Variants in PDLIM1 observed in about 807,000 individuals in gnomAD.
PDLIM1 encodes PDZ and LIM domain 1.
Under a neutral mutation model 35.2 loss-of-function variants are expected in PDLIM1, and 25 were observed. That is an observed-to-expected ratio of 0.71 (90% confidence interval 0.52 to 0.99). The LOEUF is 0.99. PDLIM1 is among the 50% of genes least tolerant of loss of function. The pLI, the probability that PDLIM1 is intolerant of heterozygous loss-of-function variation, is 0.00. For synonymous variants in PDLIM1, 152 were observed against 154.0 expected (o/e 0.99, Z 0.10); for missense variants, 363 against 415.3 (o/e 0.87, Z 1.09).
At chr10:95,242,549 T>C (rs1267811914) in intron 5 of PDLIM1, among the ~76,000 whole-genome samples, 2 of 151,880 alleles carry the variant, frequency 1.3e-5, no homozygotes, top group African/African-American at 2.4e-5. Context: ...TAGCCGGGCA[T>C]TGTGGGACGT....
intron 1 of PDLIM1, among the ~76,000 whole-genome samples, chr10:95,273,669 G>A (rs1449745781): frequency 6.6e-6 from 1 of 152,144 alleles, no homozygotes; most frequent in Non-Finnish European, 1.5e-5. Flanking sequence ...GGAAACGAAA[G>A]CAGCCTCCTG....
intron 1 of PDLIM1, among the ~76,000 whole-genome samples, chr10:95,288,251 A>G (rs187289453): frequency 5.6e-4 from 85 of 152,358 alleles, no homozygotes; most frequent in Admixed American, 1.0e-3. Flanking sequence ...GCAGTTTAGC[A>G]AAAGACTGGA....
chr10:95,247,586 T>A, intron 4 of PDLIM1: 1 of 438,790 alleles, frequency 2.3e-6, no homozygotes, highest in Non-Finnish European at 4.0e-6. Flanking sequence ...GAGGCTCTTC[T>A]TCTAAATAGC....
chr10:95,264,766 T>G (rs1447607511), intron 3 of PDLIM1, among the ~76,000 whole-genome samples: 2 of 152,178 alleles, frequency 1.3e-5, no homozygotes, highest in Non-Finnish European at 2.9e-5. Context: ...CTTTCTGTAA[T>G]TTGAGAAAGT....
At chr10:95,281,616 C>T (rs1186040478) in intron 1 of PDLIM1, among the ~76,000 whole-genome samples, 4 of 152,090 alleles carry the variant, frequency 2.6e-5, no homozygotes, top group African/African-American at 4.8e-5. Context: ...TGGTTAACAC[C>T]CCTGAAAATG....
intron 1 of PDLIM1, among the ~76,000 whole-genome samples, chr10:95,273,896 G>A (rs1013741990): frequency 2.6e-5 from 4 of 152,188 alleles, no homozygotes; most frequent in East Asian, 1.9e-4. Context: ...AAAGGACAAC[G>A]CAGGCTCAGT....
Position 95,238,024 on chromosome 10 carries a change from G to A in PDLIM1, c.891C>T (p.Gly297=). 1 of 1,614,090 alleles carries A rather than the reference G, an allele frequency of 6.2e-7. No homozygotes were observed. The highest frequency in any genetic ancestry group is 1.1e-5 in the South Asian group (1 of 91,066). The change falls in exon 7 of 7, where the codon GGC becomes GGT. Residue 297 remains glycine, a synonymous_variant. Transcript: ENST00000329399. ...TDCGTNLKQK[G]HFFVEDQIYC... ...AGATTTGATCCTCCACAAAGAAATG[G>A]CCCTTCTGTTTCAGGTTGGTGCCAC... is the stretch of plus-strand genomic sequence containing the variant.
intron 5 of PDLIM1, among the ~76,000 whole-genome samples, chr10:95,243,924 G>T (rs1007481739): frequency 6.6e-6 from 1 of 152,024 alleles, no homozygotes; most frequent in African/African-American, 2.4e-5. Flanking sequence ...AGACAAGCAG[G>T]AGGGTGGTTA....
In PDLIM1 at chr10:95,290,973, G is replaced by C; in HGVS notation, c.-58C>G. 2 of 1,050,516 alleles carry C rather than the reference G, an allele frequency of 1.9e-6. No homozygotes were observed. The highest frequency in any genetic ancestry group is 3.3e-5 in the South Asian group (2 of 61,278). 65.1% of individuals were successfully genotyped at this position (1,050,516 alleles called of 1,614,324 possible). ...ACAGACGGGCAGGACGCGCGGAACA[G>C]CTTGCAGGGCACCCCCGGCGGCTGT... On this transcript the variant is annotated 5_prime_UTR_variant, in exon 1 of 7. Coordinates refer to ENST00000329399, the MANE Select transcript of PDLIM1 (RefSeq NM_020992.4). The surrounding 1 kb of genome is among the most constrained non-coding windows in gnomAD (Gnocchi z 4.7).
intron 1 of PDLIM1, among the ~76,000 whole-genome samples, chr10:95,277,202 G>A (rs181779965): frequency 2.8e-4 from 42 of 150,982 alleles, no homozygotes; most frequent in Admixed American, 2.2e-3. Context: ...GTGATAGAGT[G>A]AGACTTGTCT....
intron 5 of PDLIM1, 85 bp from the exon 6 acceptor site, chr10:95,238,770 T>C (rs947631562): frequency 4.8e-6 from 4 of 838,944 alleles, no homozygotes; most frequent in Admixed American, 1.8e-5. Flanking sequence ...CTTATAAATA[T>C]ATGTTCAAGC....
At chr10:95,254,017 T>G (rs2035289762) in intron 4 of PDLIM1, among the ~76,000 whole-genome samples, 2 of 151,874 alleles carry the variant, frequency 1.3e-5, no homozygotes, top group Non-Finnish European at 1.5e-5. Context: ...CAAATAAAAA[T>G]GTTATTCTAA....
At chr10:95,243,765 T>C (rs930269402) in intron 5 of PDLIM1, among the ~76,000 whole-genome samples, 6 of 152,112 alleles carry the variant, frequency 3.9e-5, no homozygotes, top group African/African-American at 7.2e-5. Flanking sequence ...AACGGAATAA[T>C]ACTCTGCCTT....
intron 4 of PDLIM1, among the ~76,000 whole-genome samples, chr10:95,255,016 C>T (rs11488749): frequency 0.36 from 54,959 of 151,896 alleles, 10,168 homozygotes; most frequent in South Asian, 0.41. Context: ...AACAATTATA[C>T]ATTAACAAAT....
chr10:95,261,339 G>C (rs753067355), intron 4 of PDLIM1, among the ~76,000 whole-genome samples: 1 of 152,170 alleles, frequency 6.6e-6, no homozygotes, highest in African/African-American at 2.4e-5. Flanking sequence ...ATTCCACTCT[G>C]GGACAGTAAA....
intron 5 of PDLIM1, among the ~76,000 whole-genome samples, chr10:95,244,191 G>A (rs1273837451): frequency 6.6e-6 from 1 of 152,092 alleles, no homozygotes; most frequent in East Asian, 1.9e-4. Context: ...CAAGATGAAG[G>A]TGAGGAACCA....
chr10:95,247,504 C>T, intron 4 of PDLIM1, 138 bp from the exon 5 acceptor site: 1 of 663,510 alleles, frequency 1.5e-6, no homozygotes, highest in South Asian at 2.1e-5. Flanking sequence ...AAATCAGCCA[C>T]AGACCTGCTG....
intron 1 of PDLIM1, among the ~76,000 whole-genome samples, chr10:95,286,934 C>T (rs1293315364): frequency 3.3e-5 from 5 of 152,296 alleles, no homozygotes; most frequent in Middle Eastern, 3.4e-3. Context: ...GAATATGACC[C>T]AGACGCTTAG....
Position 95,247,308 on chromosome 10 carries a change from T to G in PDLIM1, c.592A>C (p.Lys198Gln). ...LVIDKESEVYKMLQEKQELNE... is the reference protein window; with the variant it reads ...LVIDKESEVYQMLQEKQELNE... The stretch of plus-strand genomic sequence containing the variant: ...AACTCCTGTTTCTCCTGAAGCATCT[T>G]GTAAACTTCAGATTCTTTGTCGATG... The change falls in exon 5 of 7, where the codon AAG becomes CAG. Residue 198 changes from lysine (K) to glutamine (Q), a missense_variant. By Grantham distance (53) the Lys-to-Gln change is moderately conservative. Transcript: ENST00000329399. The G allele has an allele frequency of 6.2e-7, 1 of 1,613,852 alleles. No homozygotes were observed. The highest frequency in any genetic ancestry group is 8.5e-7 in the Non-Finnish European group (1 of 1,179,708).
Sources: allele counts gnomAD v4.1 joint callset (sites outside exome capture counted in the v4.1 genomes callset), GRCh38; gene constraint gnomAD v4.1.1; non-coding constraint Gnocchi (gnomAD v3.1); transcripts MANE v1.5; gene names NCBI Gene and HGNC (gene_info 2026-07-23, HGNC 2026-07-21).